The following SPOCK1 variants were observed in gnomAD, a reference collection of about 807,000 sequenced individuals.
SPOCK1 encodes the protein testican-1.
In SPOCK1, 23 loss-of-function variants were observed where a neutral mutation model predicts 55.3. The observed-to-expected ratio is 0.42, with a 90% CI of 0.30 to 0.59. The LOEUF (loss-of-function observed/expected upper bound fraction) is 0.59, where lower values mean the gene tolerates loss of function less well. Ranked by LOEUF, SPOCK1 falls within the 20% of genes least tolerant of loss-of-function variation. The pLI is 0.22. For missense variants in SPOCK1, 499 were observed against 552.5 expected, an observed-to-expected ratio of 0.90 and a Z score of 0.97; for synonymous variants, 226 against 221.0, an observed-to-expected ratio of 1.02 and a Z score of -0.20.
rs187561848 is a variant in SPOCK1 at position 137,363,826 on chromosome 5, G to C, written c.187-96771C>G. Among the ~76,000 whole-genome samples, 111 of 152,362 alleles carry C rather than the reference G, an allele frequency of 7.3e-4. 4 individuals carry two copies. Among genetic ancestry groups the C allele is most frequent in the South Asian group, 3.7e-3 (18 of 4,828 alleles). On this transcript the variant is annotated intron_variant, in intron 2 of 10. Transcript: ENST00000394945. ...AGAAGTCTAGCACTGGAAGCAAGGT[G>C]CAGGTGTCCTGCAGAACCAGCCTGG... is the stretch of plus-strand genomic sequence containing the variant.
intron 6 of SPOCK1, among the ~76,000 whole-genome samples, chr5:137,010,480 TA>T: frequency 6.6e-6 from 1 of 151,890 alleles, no homozygotes; most frequent in Middle Eastern, 3.4e-3. Context: ...GTAGCACAGA[TA>T]AAAAGACACA....
At chr5:137,473,280 T>G (rs1240850963) in intron 2 of SPOCK1, among the ~76,000 whole-genome samples, 1 of 152,200 alleles carries the variant, frequency 6.6e-6, no homozygotes, top group Non-Finnish European at 1.5e-5. Flanking sequence ...TGCAGCCCTA[T>G]GAAAGAGTGC....
At chr5:137,046,275 G>C (rs1044234674) in intron 6 of SPOCK1, among the ~76,000 whole-genome samples, 5 of 115,518 alleles carry the variant, frequency 4.3e-5, no homozygotes, top group Admixed American at 1.9e-4. Context: ...TCCTACCCAT[G>C]AGCATGGAAT....
intron 3 of SPOCK1, among the ~76,000 whole-genome samples, chr5:137,172,251 C>G (rs989120422): frequency 6.6e-6 from 1 of 152,162 alleles, no homozygotes; most frequent in African/African-American, 2.4e-5. Context: ...ATCCTGCAAG[C>G]TGGTTTATAT....
chr5:137,035,434 T>C (rs1751866053), intron 6 of SPOCK1, among the ~76,000 whole-genome samples: 1 of 152,160 alleles, frequency 6.6e-6, no homozygotes, highest in Admixed American at 6.5e-5. Context: ...AGGTGGCTAT[T>C]TTTCCAAAGG....
chr5:137,048,836 G>C lies in SPOCK1; in HGVS notation c.589+18879C>G, dbSNP rs1195794892. Among the ~76,000 whole-genome samples, 632 of 79,028 alleles carry C rather than the reference G, an allele frequency of 8.0e-3. 8 individuals carry two copies. Among genetic ancestry groups the C allele is most frequent in the African/African-American group, 0.03 (603 of 20,340 alleles). The allele number at this position is 79,028 out of a possible 152,430, so 51.8% of individuals were successfully genotyped here. On this transcript the variant is annotated intron_variant, in intron 6 of 10. Transcript: ENST00000394945. ...CAGGAGCTCTTTTAGGGCAGGCCTG[G>C]TGGTGACAAAATCTCTCAGCATTTG... is the stretch of plus-strand genomic sequence containing the variant.
intron 2 of SPOCK1, among the ~76,000 whole-genome samples, chr5:137,311,095 G>T (rs1438422232): frequency 6.6e-6 from 1 of 152,146 alleles, no homozygotes; most frequent in Non-Finnish European, 1.5e-5. Flanking sequence ...TGGGTACTAG[G>T]ATCTCAGGCC....
chr5:137,177,030 C>T (rs1754867143), intron 3 of SPOCK1, among the ~76,000 whole-genome samples: 1 of 152,080 alleles, frequency 6.6e-6, no homozygotes, highest in Non-Finnish European at 1.5e-5. Context: ...TTCAGTAGCA[C>T]CCAAAAACTG....
At chr5:137,154,251 C>A (rs1754371859) in intron 3 of SPOCK1, among the ~76,000 whole-genome samples, 1 of 152,102 alleles carries the variant, frequency 6.6e-6, no homozygotes, top group African/African-American at 2.4e-5. Context: ...GGCGCCGTTG[C>A]ACTCCAGCCT....
At chr5:137,231,048 CTT>C (rs11367897) in intron 3 of SPOCK1, among the ~76,000 whole-genome samples, 62 of 148,140 alleles carry the variant, frequency 4.2e-4, no homozygotes, top group Admixed American at 4.7e-4. Flanking sequence ...GTGTTACCCC[CTT>C]TTTTTTTTTT....
At chr5:137,055,476 T>C (rs1429453922) in intron 6 of SPOCK1, among the ~76,000 whole-genome samples, 1 of 152,238 alleles carries the variant, frequency 6.6e-6, no homozygotes, top group East Asian at 1.9e-4. Context: ...TTTAACTCAC[T>C]ATGCTTTCCC....
intron 2 of SPOCK1, among the ~76,000 whole-genome samples, chr5:137,329,552 G>C (rs1758134455): frequency 6.6e-6 from 1 of 152,052 alleles, no homozygotes. Context: ...CAATAAGCCA[G>C]TGTTTAAAAC....
At position 137,326,279 on chromosome 5, in the gene SPOCK1, CA is replaced by C. The variant is rs34897652; in HGVS notation, c.187-59225del. Among the ~76,000 whole-genome samples the C allele has an allele frequency of 7.6e-3, 1,065 of 140,214 alleles. 11 individuals carry two copies. Among genetic ancestry groups the C allele is most frequent in the East Asian group, 0.015 (72 of 4,848 alleles). The allele number at this position is 140,214 out of a possible 152,430, so 92.0% of individuals were successfully genotyped here. The stretch of plus-strand genomic sequence containing the variant: ...GGCATGAGGTACCTACTTCTGCATC[CA>C]AAAAAAAAAAAAATCTAGATCCTGC... On this transcript the variant is annotated intron_variant, in intron 2 of 10. Transcript: ENST00000394945.
chr5:137,206,690 T>C (rs2127079195), intron 3 of SPOCK1, among the ~76,000 whole-genome samples: 1 of 152,364 alleles, frequency 6.6e-6, no homozygotes, highest in Middle Eastern at 3.4e-3. Flanking sequence ...GCTTTTAATA[T>C]GTTACAACCA....
intron 5 of SPOCK1, among the ~76,000 whole-genome samples, chr5:137,071,303 T>G (rs1194602963): frequency 3.9e-5 from 6 of 152,118 alleles, no homozygotes. Context: ...CATAATTCCA[T>G]TTTTTATAAA....
At chr5:137,027,953 T>A (rs1212830987) in intron 6 of SPOCK1, among the ~76,000 whole-genome samples, 1 of 152,176 alleles carries the variant, frequency 6.6e-6, no homozygotes, top group Non-Finnish European at 1.5e-5. Context: ...TGAGGCTCTG[T>A]GGTCAGAATA....
At chr5:137,104,480 T>C (rs1416631577) in intron 5 of SPOCK1, among the ~76,000 whole-genome samples, 1 of 152,192 alleles carries the variant, frequency 6.6e-6, no homozygotes, top group African/African-American at 2.4e-5. Flanking sequence ...TAATAAAATC[T>C]ACCACCCAAA....
At chr5:137,436,231 A>G (rs1752862592) in intron 2 of SPOCK1, among the ~76,000 whole-genome samples, 1 of 152,062 alleles carries the variant, frequency 6.6e-6, no homozygotes, top group Non-Finnish European at 1.5e-5. Context: ...GTTTCTGTTG[A>G]CTTCCCTAAT....
intron 2 of SPOCK1, among the ~76,000 whole-genome samples, chr5:137,445,227 A>C (rs965790720): frequency 2.6e-5 from 4 of 152,100 alleles, no homozygotes; most frequent in African/African-American, 9.7e-5. Context: ...AATTATCTTC[A>C]CAAATTCTCT....
Sources: gnomAD v4.1 joint callset for allele counts (sites outside exome capture counted in the v4.1 genomes callset) on GRCh38, gnomAD v4.1.1 for gene constraint, MANE v1.5 for transcripts, NCBI Gene and HGNC (gene_info 2026-07-23, HGNC 2026-07-21) for gene names.